Variants in ITPRID1 observed in about 807,000 individuals in gnomAD.
ITPRID1 encodes protein ITPRID1.
A neutral mutation model predicts 95.4 loss-of-function variants in ITPRID1; 96 were observed. The observed-to-expected ratio is 1.01, with a 90% confidence interval of 0.85 to 1.19. The LOEUF (loss-of-function observed/expected upper bound fraction) is 1.19, where lower values mean the gene tolerates loss of function less well. Among genes scored for constraint, ITPRID1 ranks in the 50% most tolerant of loss-of-function variants. The probability of loss-of-function intolerance (pLI) is 0.00; values close to 1 mark genes in which losing one functional copy is unlikely to be tolerated. For synonymous variants in ITPRID1, 510 were observed against 453.6 expected (o/e 1.12, Z -1.58); for missense variants, 1,339 against 1,252.9 (o/e 1.07, Z -1.04).
In ITPRID1 at chr7:31,577,977, T is replaced by C; in HGVS notation, c.713T>C (p.Val238Ala). 1.2e-6 allele frequency: 2 copies of C among 1,613,686 alleles called. No individual in the cohort carries two copies. Among genetic ancestry groups the C allele is most frequent in the Non-Finnish European group, 1.7e-6 (2 of 1,179,810 alleles). Residue 238 changes from valine (V) to alanine (A), a missense_variant, in exon 9 of 15, where the codon GTG (valine) becomes GCG (alanine). By Grantham distance (64) the Val-to-Ala change is moderately conservative (BLOSUM62 0). Coordinates refer to ENST00000615280, the MANE Select transcript of ITPRID1 (RefSeq NM_001257967.3). ...GAAGAGAAAGCTGGAGGAGAGAGTG[T>C]GCAAAGAACCTCAGTGAGTGCCGCC... Reference protein sequence around the residue: ...RAEEKAGGESVQRTSVSAAKE... With the variant: ...RAEEKAGGESAQRTSVSAAKE...
rs1312762509 is a variant in ITPRID1, at chr7:31,544,842, CA to C, written c.-97-4576del. Among the ~76,000 whole-genome samples the C allele has an allele frequency of 7.9e-5, 12 of 151,622 alleles. No homozygotes were observed. The East Asian group carries it at 1.9e-3, about 24-fold the overall frequency. ...ACTGTGCCTGACATGATAGAGACTA[CA>C]AAAAAAAGTAAGTCATAATTCCCAG... On this transcript the variant is annotated intron_variant, in intron 1 of 14. Transcript: ENST00000615280.
At chr7:31,637,183 G>A (rs1294863099) in intron 10 of ITPRID1, among the ~76,000 whole-genome samples, 1 of 151,926 alleles carries the variant, frequency 6.6e-6, no homozygotes, top group Non-Finnish European at 1.5e-5. Flanking sequence ...TGTGAATAGT[G>A]CCGCAATAAA....
chr7:31,617,968 C>T (rs751622441), intron 10 of ITPRID1, among the ~76,000 whole-genome samples: 1 of 152,192 alleles, frequency 6.6e-6, no homozygotes, highest in Non-Finnish European at 1.5e-5. Flanking sequence ...ATTTTAGAAG[C>T]ACACATATTG....
At chr7:31,620,429 A>G (rs1787746177) in intron 10 of ITPRID1, among the ~76,000 whole-genome samples, 1 of 151,878 alleles carries the variant, frequency 6.6e-6, no homozygotes, top group South Asian at 2.1e-4. Context: ...AGGAACGATC[A>G]GACAGCAGCA....
chr7:31,578,156 G>A lies in ITPRID1; in HGVS notation c.892G>A (p.Ala298Thr). 6.2e-7 allele frequency: 1 copy of A among 1,613,810 alleles called. No individual in the cohort carries two copies. Among genetic ancestry groups the A allele is most frequent in the Non-Finnish European group, 8.5e-7 (1 of 1,179,818 alleles). ...TKPWDCGAEL[A>T]ATSINHKQNH... ...ACCATGGGATTGTGGAGCAGAGCTAGCAGCAACCTCAATCAACCACAAGCA... is the reference window on the plus strand; with the variant it reads ...ACCATGGGATTGTGGAGCAGAGCTAACAGCAACCTCAATCAACCACAAGCA... Residue 298 changes from alanine to threonine, a missense_variant, in exon 9 of 15, where the codon GCA (alanine) becomes ACA (threonine). By Grantham distance (58) the Ala-to-Thr change is moderately conservative. Transcript: ENST00000615280.
chr7:31,538,857 T>C (rs1176047542), intron 1 of ITPRID1, among the ~76,000 whole-genome samples: 1 of 152,326 alleles, frequency 6.6e-6, no homozygotes, highest in South Asian at 2.1e-4. Flanking sequence ...GAAGAAACAT[T>C]TTGAGGCTAT....
intron 1 of ITPRID1, among the ~76,000 whole-genome samples, chr7:31,548,395 A>C (rs1784169380): frequency 6.6e-6 from 1 of 152,196 alleles, no homozygotes; most frequent in Non-Finnish European, 1.5e-5. Flanking sequence ...TGGAAGCAGC[A>C]ACAAAGATCA....
chr7:31,614,270 A>G (rs1787013512), intron 10 of ITPRID1, among the ~76,000 whole-genome samples: 2 of 152,148 alleles, frequency 1.3e-5, no homozygotes, highest in African/African-American at 4.8e-5. Context: ...ATGCTTTCCA[A>G]TAAAATTATG....
chr7:31,515,400 A>G (rs571609660), intron 1 of ITPRID1, among the ~76,000 whole-genome samples: 48 of 152,212 alleles, frequency 3.2e-4, no homozygotes, highest in African/African-American at 1.0e-3. Flanking sequence ...ACATGGAGAA[A>G]CCCCATCTCT....
At chr7:31,617,656 A>G (rs1017234849) in intron 10 of ITPRID1, among the ~76,000 whole-genome samples, 3 of 152,136 alleles carry the variant, frequency 2.0e-5, no homozygotes, top group Non-Finnish European at 2.9e-5. Flanking sequence ...TTTAAAGGAA[A>G]AAAAAACCCA....
chr7:31,516,282 A>G lies in ITPRID1; in HGVS notation c.-98+2162A>G, dbSNP rs570160529. The stretch of plus-strand genomic sequence containing the variant: ...GGTTTCTGCGTGTGTGTGCATGTGT[A>G]TGTATGTATGTGTGTACTATTGGTT... On this transcript the variant is annotated intron_variant, in intron 1 of 14. Transcript: ENST00000615280. Among the ~76,000 whole-genome samples the G allele has an allele frequency of 5.3e-5, 8 of 152,206 alleles. No individual in the cohort carries two copies. The South Asian group carries it at 1.7e-3, about 32-fold the overall frequency.
chr7:31,622,424 A>T (rs1322002068), intron 10 of ITPRID1, among the ~76,000 whole-genome samples: 10 of 152,100 alleles, frequency 6.6e-5, no homozygotes, highest in African/African-American at 2.4e-4. Context: ...ACCACAGTGC[A>T]ATCAAACTAG....
In ITPRID1 at chr7:31,574,613, G is replaced by A. The variant is rs759138081; in HGVS notation, c.469G>A (p.Glu157Lys). The change falls in exon 8 of 15, where the codon GAG becomes AAG. Residue 157 changes from glutamate to lysine, a missense_variant. Physicochemically the swap from Glu to Lys is moderately conservative, Grantham distance 56 (BLOSUM62 1). Transcript: ENST00000615280. ...ILLDLGFGAD[E>K]PDICMQIPAR... is the part of the protein sequence containing the mutation. Reference sequence around the variant, plus strand: ...CTTGGATCTGGGGTTTGGTGCTGATGAGCCAGACATCTGCATGCAAATCCC... The same window carrying A: ...CTTGGATCTGGGGTTTGGTGCTGATAAGCCAGACATCTGCATGCAAATCCC... 4 of 1,613,928 alleles carry A rather than the reference G, an allele frequency of 2.5e-6. No individual in the cohort carries two copies. In the Admixed American group the frequency reaches 5.0e-5, roughly 20 times the overall value.
chr7:31,520,560 T>C (rs1226011834), intron 1 of ITPRID1, among the ~76,000 whole-genome samples: 1 of 78,760 alleles, frequency 1.3e-5, no homozygotes, highest in Non-Finnish European at 2.7e-5. Context: ...TGTGTGTGTG[T>C]GTGTGAGAGA....
chr7:31,604,073 G>C (rs1786511879), intron 10 of ITPRID1, among the ~76,000 whole-genome samples: 1 of 152,152 alleles, frequency 6.6e-6, no homozygotes, highest in African/African-American at 2.4e-5. Flanking sequence ...CTCCTTTTAA[G>C]GACCCTTTGC....
chr7:31,531,960 G>C (rs550015473), intron 1 of ITPRID1, among the ~76,000 whole-genome samples: 1 of 152,066 alleles, frequency 6.6e-6, no homozygotes, highest in Admixed American at 6.6e-5. Context: ...AGGTAATAGC[G>C]TACAACTGCA....
chr7:31,573,306 C>A (rs1785056791), intron 7 of ITPRID1, among the ~76,000 whole-genome samples: 1 of 150,972 alleles, frequency 6.6e-6, no homozygotes. Flanking sequence ...ATACATAGAA[C>A]AAAACTTCAC....
At chr7:31,636,714 TC>T (rs1172030918) in intron 10 of ITPRID1, among the ~76,000 whole-genome samples, 1 of 150,908 alleles carries the variant, frequency 6.6e-6, no homozygotes, top group Admixed American at 6.6e-5. Flanking sequence ...CATAAAGGGA[TC>T]TTTTTTTTTT....
At chr7:31,641,251 A>G (rs796095356) in intron 10 of ITPRID1, among the ~76,000 whole-genome samples, 54 of 152,256 alleles carry the variant, frequency 3.5e-4, no homozygotes, top group African/African-American at 1.3e-3. Flanking sequence ...CAAATCCCCT[A>G]TTTATCACTT....
Sources: allele counts gnomAD v4.1 joint callset (sites outside exome capture counted in the v4.1 genomes callset), GRCh38; gene constraint gnomAD v4.1.1; transcripts MANE v1.5; gene names NCBI Gene and HGNC (gene_info 2026-07-23, HGNC 2026-07-21).